The following ZDHHC14 variants were observed in gnomAD, a reference collection of about 807,000 sequenced individuals.
ZDHHC14 encodes the protein zDHHC palmitoyltransferase 14.
In ZDHHC14, 16 loss-of-function variants were observed where a neutral mutation model predicts 47.7. That is an observed-to-expected ratio of 0.34 (90% CI 0.23 to 0.51). ZDHHC14 has a LOEUF of 0.51. Ranked by LOEUF, ZDHHC14 falls within the 20% of genes least tolerant of loss-of-function variation. The pLI, the probability that ZDHHC14 is intolerant of heterozygous loss-of-function variation, is 0.97. For missense variants in ZDHHC14, 515 were observed against 662.5 expected (o/e 0.78, Z 2.44); for synonymous variants, 293 against 278.9 (o/e 1.05, Z -0.50).
chr6:157,475,678 A>G (rs968175692), intron 1 of ZDHHC14, among the ~76,000 whole-genome samples: 3 of 152,158 alleles, frequency 2.0e-5, no homozygotes, highest in Non-Finnish European at 4.4e-5. Context: ...CTGCTAGTAT[A>G]TAGAAACAAC....
At chr6:157,597,621 G>C (rs1308810956) in intron 3 of ZDHHC14, among the ~76,000 whole-genome samples, 1 of 152,252 alleles carries the variant, frequency 6.6e-6, no homozygotes, top group African/African-American at 2.4e-5. Context: ...TAGAGGTTCA[G>C]AGGTGGCCTC....
intron 1 of ZDHHC14, among the ~76,000 whole-genome samples, chr6:157,538,576 A>T (rs1182781704): frequency 1.3e-5 from 2 of 152,206 alleles, no homozygotes; most frequent in Non-Finnish European, 2.9e-5. Context: ...GCTACAAAGG[A>T]CACAAAGAGG....
chr6:157,550,728 T>C (rs1413325121), intron 2 of ZDHHC14, among the ~76,000 whole-genome samples: 1 of 152,198 alleles, frequency 6.6e-6, no homozygotes, highest in African/African-American at 2.4e-5. Flanking sequence ...TGAAATCTCC[T>C]CTGTAGAATT....
chr6:157,528,389 C>G (rs894632050), intron 1 of ZDHHC14, among the ~76,000 whole-genome samples: 1 of 152,054 alleles, frequency 6.6e-6, no homozygotes, highest in Non-Finnish European at 1.5e-5. Flanking sequence ...TGGAAAAGCA[C>G]AAGTAGATGA....
At chr6:157,538,854 G>C (rs1338607001) in intron 1 of ZDHHC14, among the ~76,000 whole-genome samples, 4 of 152,216 alleles carry the variant, frequency 2.6e-5, no homozygotes, top group Admixed American at 2.6e-4. Flanking sequence ...TGGACAGGCA[G>C]CGCTGGCGGT....
chr6:157,471,820 T>C (rs1779361901), intron 1 of ZDHHC14, among the ~76,000 whole-genome samples: 1 of 152,196 alleles, frequency 6.6e-6, no homozygotes, highest in Non-Finnish European at 1.5e-5. Context: ...TTCCCTCCTC[T>C]ATGAAGTGGG....
At chr6:157,426,239 A>G (rs9457421) in intron 1 of ZDHHC14, among the ~76,000 whole-genome samples, 16,761 of 152,110 alleles carry the variant, frequency 0.11, 1,534 homozygotes, top group African/African-American at 0.25. Flanking sequence ...ACAGCTTGAC[A>G]CTGAATGGAT....
At chr6:157,669,040 A>G (rs1215049845) in intron 8 of ZDHHC14, among the ~76,000 whole-genome samples, 1 of 152,246 alleles carries the variant, frequency 6.6e-6, no homozygotes, top group Non-Finnish European at 1.5e-5. Context: ...CTGAAGCATC[A>G]TTAGCTTCCC....
chr6:157,616,895 G>C (rs930494533), intron 3 of ZDHHC14, among the ~76,000 whole-genome samples: 1 of 152,200 alleles, frequency 6.6e-6, no homozygotes, highest in Non-Finnish European at 1.5e-5. Flanking sequence ...TGAGCCACAA[G>C]GACCTCTGAT....
At chr6:157,647,438 G>T in intron 7 of ZDHHC14, 70 bp downstream of exon 7, 3 of 1,258,812 alleles carry the variant, frequency 2.4e-6, no homozygotes, top group Non-Finnish European at 3.4e-6. Flanking sequence ...GTTAGCACAG[G>T]CCGCCCGCCC....
chr6:157,402,506 T>C (rs766461850), intron 1 of ZDHHC14, among the ~76,000 whole-genome samples: 1 of 152,214 alleles, frequency 6.6e-6, no homozygotes, highest in Non-Finnish European at 1.5e-5. Context: ...TGATTGCTAG[T>C]CTGGGGCTTC....
intron 3 of ZDHHC14, among the ~76,000 whole-genome samples, chr6:157,617,968 G>C (rs1018208332): frequency 6.6e-6 from 1 of 152,226 alleles, no homozygotes; most frequent in African/African-American, 2.4e-5. Context: ...GCCATTCCGA[G>C]CTAAGATGGC....
chr6:157,382,940 A>T (rs978384240), intron 1 of ZDHHC14, among the ~76,000 whole-genome samples: 1 of 152,186 alleles, frequency 6.6e-6, no homozygotes, highest in Non-Finnish European at 1.5e-5. Flanking sequence ...AAAACAAACA[A>T]TTTGGGAACA....
intron 1 of ZDHHC14, among the ~76,000 whole-genome samples, chr6:157,521,464 A>T (rs1177184849): frequency 6.6e-6 from 1 of 152,198 alleles, no homozygotes; most frequent in Admixed American, 6.5e-5. Flanking sequence ...TACTTCTCAC[A>T]GTTCTGGGAG....
At chr6:157,480,259 GTT>G (rs544976884) in intron 1 of ZDHHC14, among the ~76,000 whole-genome samples, 1 of 121,560 alleles carries the variant, frequency 8.2e-6, no homozygotes, top group Non-Finnish European at 1.7e-5. Flanking sequence ...GTTGTTTTGG[GTT>G]TTTTTTTTTT....
intron 1 of ZDHHC14, among the ~76,000 whole-genome samples, chr6:157,390,522 A>G (rs374072330): frequency 6.6e-6 from 1 of 152,072 alleles, no homozygotes; most frequent in East Asian, 1.9e-4. Flanking sequence ...AGTTAATTAT[A>G]TATGACATCA....
intron 2 of ZDHHC14, among the ~76,000 whole-genome samples, chr6:157,588,334 C>A (rs1054854108): frequency 6.6e-6 from 1 of 151,614 alleles, no homozygotes; most frequent in Non-Finnish European, 1.5e-5. Context: ...TGGTGAATAC[C>A]TATAGTCCCA....
At chr6:157,390,038 C>A (rs1777391665) in intron 1 of ZDHHC14, among the ~76,000 whole-genome samples, 1 of 151,978 alleles carries the variant, frequency 6.6e-6, no homozygotes, top group South Asian at 2.1e-4. Context: ...CTAATTATAT[C>A]ATTTTCCGTT....
intron 2 of ZDHHC14, among the ~76,000 whole-genome samples, chr6:157,564,621 G>A (rs919191104): frequency 6.6e-6 from 1 of 152,130 alleles, no homozygotes; most frequent in African/African-American, 2.4e-5. Flanking sequence ...TCAAAATCTA[G>A]ACCAAACTGC....
Sources: allele counts gnomAD v4.1 joint callset (sites outside exome capture counted in the v4.1 genomes callset), GRCh38; gene constraint gnomAD v4.1.1; transcripts MANE v1.5; gene names NCBI Gene and HGNC (gene_info 2026-07-23, HGNC 2026-07-21).